SUCLG2: variants seen among roughly 807,000 people sequenced by gnomAD.
The protein encoded by SUCLG2 is succinate-CoA ligase GDP-forming subunit beta.
Under a neutral mutation model 47.9 loss-of-function variants are expected in SUCLG2, and 42 were observed. The observed-to-expected ratio is 0.88, with a 90% CI of 0.69 to 1.14. The LOEUF is 1.14. SUCLG2 is among the 50% of genes most tolerant of loss of function. The probability of loss-of-function intolerance (pLI) is 0.00; values close to 1 mark genes in which losing one functional copy is unlikely to be tolerated. For synonymous variants in SUCLG2, 195 were observed against 197.3 expected (o/e 0.99, Z 0.10); for missense variants, 571 against 525.9 (o/e 1.09, Z -0.84).
At chr3:67,497,818 G>C (rs1705385945) in intron 8 of SUCLG2, among the ~76,000 whole-genome samples, 1 of 152,052 alleles carries the variant, frequency 6.6e-6, no homozygotes, top group Non-Finnish European at 1.5e-5. Context: ...ATTTACATGG[G>C]TTTATTTGTC....
chr3:67,529,185 ATCTG>A lies in SUCLG2; in HGVS notation c.227-3_227del. The A allele has an allele frequency of 6.2e-7, 1 of 1,607,534 alleles. No individual in the cohort carries two copies. Among genetic ancestry groups the A allele is most frequent in the African/African-American group, 1.3e-5 (1 of 74,464 alleles). ...GGGCTTTTAAAACAATTTCTTTTGC[ATCTG>A]AAAAAGAAAAATCCAGAGTTGGTAG... is the stretch of plus-strand genomic sequence containing the variant. On this transcript the variant is annotated splice_acceptor_variant and splice_polypyrimidine_tract_variant and coding_sequence_variant and intron_variant, in exon 3 of 11. Coordinates refer to ENST00000307227, the MANE Select transcript of SUCLG2 (RefSeq NM_003848.4). LOFTEE classifies it high-confidence loss of function.
intron 1 of SUCLG2, among the ~76,000 whole-genome samples, chr3:67,619,485 G>A (rs577911011): frequency 2.3e-4 from 35 of 152,182 alleles, no homozygotes; most frequent in Non-Finnish European, 4.9e-4. Flanking sequence ...GAGCCTTGAA[G>A]TCAACTGGGG....
rs530747673 is a variant in SUCLG2 at position 67,449,688 on chromosome 3, C to T, written c.1062+46110G>A. Among the ~76,000 whole-genome samples the T allele has an allele frequency of 9.3e-5, 14 of 151,022 alleles. No homozygotes were observed. The South Asian group carries it at 2.3e-3, about 25-fold the overall frequency. On this transcript the variant is annotated intron_variant, in intron 9 of 10. Coordinates refer to ENST00000307227, the MANE Select transcript of SUCLG2 (RefSeq NM_003848.4). ...TGGGGTGCAGTGGCGTGACCTCGCT[C>T]ACTGGAGCTTCTACCTCCCAGGTTC...
chr3:67,368,357 G>C (rs917956886), intron 10 of SUCLG2, among the ~76,000 whole-genome samples: 1 of 151,886 alleles, frequency 6.6e-6, no homozygotes, highest in African/African-American at 2.4e-5. Context: ...TCAGTCTTTT[G>C]GCACAATTTC....
chr3:67,642,062 A>C (rs1386060707), intron 1 of SUCLG2, among the ~76,000 whole-genome samples: 1 of 152,164 alleles, frequency 6.6e-6, no homozygotes, highest in Non-Finnish European at 1.5e-5. Context: ...TCCTCTATCT[A>C]TCTCTTACCT....
chr3:67,393,395 A>G (rs1368974951), intron 10 of SUCLG2, among the ~76,000 whole-genome samples: 1 of 152,230 alleles, frequency 6.6e-6, no homozygotes, highest in East Asian at 1.9e-4. Flanking sequence ...AGAGGGTCCT[A>G]CGCCCACGGA....
intron 9 of SUCLG2, among the ~76,000 whole-genome samples, chr3:67,454,122 A>G (rs1368464823): frequency 1.3e-5 from 2 of 152,212 alleles, no homozygotes; most frequent in Non-Finnish European, 2.9e-5. Context: ...TTTTATGTTC[A>G]TTCCCAATGT....
chr3:67,534,634 TTC>T (rs568039510), intron 2 of SUCLG2, among the ~76,000 whole-genome samples: 22 of 151,886 alleles, frequency 1.4e-4, no homozygotes, highest in African/African-American at 4.8e-4. Flanking sequence ...CATCTTACTA[TTC>T]TCAGTAAAAG....
chr3:67,369,048 T>C (rs992165119), intron 10 of SUCLG2, among the ~76,000 whole-genome samples: 1 of 152,162 alleles, frequency 6.6e-6, no homozygotes, highest in Admixed American at 6.5e-5. Flanking sequence ...CTCCTGTGCA[T>C]TGCAATATAT....
At chr3:67,432,411 T>A (rs1171379395) in intron 9 of SUCLG2, among the ~76,000 whole-genome samples, 1 of 152,210 alleles carries the variant, frequency 6.6e-6, no homozygotes, top group Non-Finnish European at 1.5e-5. Flanking sequence ...TGATTTGAAA[T>A]ACAAAGTCAC....
chr3:67,608,699 A>G (rs1216962274), intron 2 of SUCLG2, among the ~76,000 whole-genome samples: 2 of 150,086 alleles, frequency 1.3e-5, no homozygotes, highest in Non-Finnish European at 3.0e-5. Context: ...TTTAAGAGAG[A>G]GAAGGTCTCA....
intron 2 of SUCLG2, among the ~76,000 whole-genome samples, chr3:67,549,895 T>C (rs1706967803): frequency 6.6e-6 from 1 of 152,178 alleles, no homozygotes; most frequent in African/African-American, 2.4e-5. Flanking sequence ...GGAACGTATA[T>C]TGTATCTGCA....
intron 2 of SUCLG2, among the ~76,000 whole-genome samples, chr3:67,563,895 G>A (rs1707378774): frequency 1.3e-5 from 2 of 149,870 alleles, no homozygotes; most frequent in Admixed American, 6.7e-5. Flanking sequence ...CGAGAGGCGA[G>A]CTTGCAGTGA....
intron 2 of SUCLG2, among the ~76,000 whole-genome samples, chr3:67,554,715 C>A (rs919251671): frequency 7.9e-5 from 12 of 152,128 alleles, no homozygotes; most frequent in African/African-American, 2.4e-4. Flanking sequence ...GCTGGAGTTG[C>A]AATTTCATAA....
chr3:67,502,519 AG>A (rs1194942814), intron 7 of SUCLG2, among the ~76,000 whole-genome samples: 1 of 152,168 alleles, frequency 6.6e-6, no homozygotes, highest in African/African-American at 2.4e-5. Flanking sequence ...GTTCTACTCT[AG>A]GTGTTGGTGG....
chr3:67,652,730 G>A (rs930581086), intron 1 of SUCLG2, among the ~76,000 whole-genome samples: 1 of 152,170 alleles, frequency 6.6e-6, no homozygotes, highest in Non-Finnish European at 1.5e-5. Context: ...TAACGGAAAC[G>A]TAAAGGTAAG....
chr3:67,389,839 T>G (rs1431800854), intron 10 of SUCLG2, among the ~76,000 whole-genome samples: 1 of 152,226 alleles, frequency 6.6e-6, no homozygotes, highest in Admixed American at 6.5e-5. Flanking sequence ...ATACTCTGTT[T>G]TGATGGATGA....
intron 2 of SUCLG2, among the ~76,000 whole-genome samples, chr3:67,566,333 T>A (rs2107226811): frequency 6.6e-6 from 1 of 152,258 alleles, no homozygotes; most frequent in East Asian, 1.9e-4. Flanking sequence ...TTTAGTATAA[T>A]CATTAGAATT....
intron 10 of SUCLG2, among the ~76,000 whole-genome samples, chr3:67,388,394 A>C (rs542522725): frequency 2.0e-5 from 3 of 152,236 alleles, no homozygotes; most frequent in Non-Finnish European, 4.4e-5. Context: ...TTGTGTGATA[A>C]ACGTCCTCGG....
Sources: allele counts gnomAD v4.1 joint callset (sites outside exome capture counted in the v4.1 genomes callset), GRCh38; gene constraint gnomAD v4.1.1; transcripts MANE v1.5; gene names NCBI Gene and HGNC (gene_info 2026-07-23, HGNC 2026-07-21).